Variants in NBEA observed in about 807,000 individuals in gnomAD.
The protein encoded by NBEA is neurobeachin, also known as lysosomal-trafficking regulator 2.
Under a neutral mutation model 343.4 loss-of-function variants are expected in NBEA, and 44 were observed. That is an observed-to-expected ratio of 0.13 (90% CI 0.10 to 0.16). The LOEUF (loss-of-function observed/expected upper bound fraction) is 0.16, where lower values mean the gene tolerates loss of function less well. Ranked by LOEUF, NBEA falls within the 10% of genes least tolerant of loss-of-function variation. The pLI, the probability that NBEA is intolerant of heterozygous loss-of-function variation, is 1.00. For missense variants in NBEA, 2,555 were observed against 3,631.3 expected (o/e 0.70, Z 7.62); for synonymous variants, 1,175 against 1,238.7 (o/e 0.95, Z 1.08).
intron 47 of NBEA, among the ~76,000 whole-genome samples, chr13:35,594,947 T>TCACA (rs71196581): frequency 0.036 from 4,053 of 111,092 alleles, 108 homozygotes; most frequent in African/African-American, 0.083. Flanking sequence ...TTTGACATCA[T>TCACA]CACACACACA....
chr13:35,326,213 A>C (rs1052497065), intron 36 of NBEA, among the ~76,000 whole-genome samples: 10 of 152,206 alleles, frequency 6.6e-5, no homozygotes, highest in Admixed American at 6.5e-4. Flanking sequence ...TGATAGGAAT[A>C]GTGTTGAATC....
At chr13:35,108,106 T>C (rs539760940) in intron 11 of NBEA, among the ~76,000 whole-genome samples, 2 of 152,148 alleles carry the variant, frequency 1.3e-5, no homozygotes, top group East Asian at 3.9e-4. Context: ...GGTAAGACAA[T>C]TTCATCCCTT....
At chr13:35,084,870 A>G (rs1157971795) in intron 10 of NBEA, among the ~76,000 whole-genome samples, 1 of 152,148 alleles carries the variant, frequency 6.6e-6, no homozygotes, top group Non-Finnish European at 1.5e-5. Flanking sequence ...AGAAGAATCA[A>G]ATAGATGCAA....
intron 34 of NBEA, among the ~76,000 whole-genome samples, chr13:35,264,885 C>A (rs563899614): frequency 2.0e-5 from 3 of 151,392 alleles, no homozygotes; most frequent in East Asian, 3.9e-4. Flanking sequence ...AAGTCCTGGA[C>A]AGAACAGCCA....
At chr13:35,197,337 A>G (rs1297611277) in intron 31 of NBEA, among the ~76,000 whole-genome samples, 2 of 152,158 alleles carry the variant, frequency 1.3e-5, no homozygotes, top group Non-Finnish European at 2.9e-5. Flanking sequence ...TGTTTTAGAA[A>G]GACAAGATCA....
intron 38 of NBEA, among the ~76,000 whole-genome samples, chr13:35,404,325 T>C (rs1318873360): frequency 1.3e-5 from 2 of 151,802 alleles, no homozygotes. Flanking sequence ...GTGGCACTAT[T>C]CATAATAGCA....
chr13:35,058,919 G>A lies in NBEA; in HGVS notation c.1239+56G>A, dbSNP rs186543665. 1.6e-3 allele frequency: 2,157 copies of A among 1,366,434 alleles called. 4 individuals are homozygous for A. The highest frequency in any genetic ancestry group is 1.9e-3 in the Non-Finnish European group (1,951 of 1,017,988). The allele number at this position is 1,366,434 out of a possible 1,614,324, so 84.6% of individuals were successfully genotyped here. A position where few individuals can be genotyped will look rare whatever the true frequency, so the allele number is the denominator to read the frequency against. On this transcript the variant is annotated intron_variant, in intron 8 of 58. Coordinates refer to ENST00000379939, the MANE Select transcript of NBEA (RefSeq NM_001385012.1). ...TGGAGAGTTTTAGATGTAAAATGTGGTGTAATATCATTTTTAGTGAAAATC... is the reference window on the plus strand; with the variant it reads ...TGGAGAGTTTTAGATGTAAAATGTGATGTAATATCATTTTTAGTGAAAATC...
rs1177303147 is a variant in NBEA at position 35,124,858 on chromosome 13, C to A, written c.2336+1284C>A. ...TATATGGTATATGGAACTGTAAGTA[C>A]ACTTGGTGACAGAGTGCTGGGAGTG... On this transcript the variant is annotated intron_variant, in intron 17 of 58. Coordinates refer to ENST00000379939, the MANE Select transcript of NBEA (RefSeq NM_001385012.1). Among the ~76,000 whole-genome samples the A allele has an allele frequency of 7.3e-5, 11 of 151,672 alleles. No individual in the cohort carries two copies. In the South Asian group the frequency reaches 2.3e-3, roughly 32 times the overall value.
At chr13:35,084,676 G>A (rs1455418020) in intron 10 of NBEA, among the ~76,000 whole-genome samples, 1 of 152,050 alleles carries the variant, frequency 6.6e-6, no homozygotes, top group Non-Finnish European at 1.5e-5. Context: ...AAAAGAACTA[G>A]AGAAGCAAGA....
At chr13:35,560,146 A>G (rs911291516) in intron 44 of NBEA, among the ~76,000 whole-genome samples, 1 of 151,826 alleles carries the variant, frequency 6.6e-6, no homozygotes, top group Non-Finnish European at 1.5e-5. Context: ...GAGTAGCTAA[A>G]TAACTTGGCC....
At chr13:35,213,823 G>A (rs1320550997) in intron 33 of NBEA, among the ~76,000 whole-genome samples, 3 of 151,844 alleles carry the variant, frequency 2.0e-5, no homozygotes, top group East Asian at 3.9e-4. Context: ...ATTAGTTTAT[G>A]CATCCACATA....
intron 45 of NBEA, among the ~76,000 whole-genome samples, chr13:35,570,593 G>A (rs972878311): frequency 3.9e-5 from 6 of 152,074 alleles, no homozygotes; most frequent in Non-Finnish European, 7.4e-5. Context: ...TATATTCTAT[G>A]CTTTAGCAAT....
intron 1 of NBEA, among the ~76,000 whole-genome samples, chr13:34,966,292 T>C (rs547440059): frequency 2.5e-4 from 38 of 152,110 alleles, no homozygotes; most frequent in African/African-American, 8.9e-4. Context: ...TTTCAGTGTT[T>C]CTTATATTTC....
At chr13:35,004,896 G>A (rs2061265829) in intron 1 of NBEA, among the ~76,000 whole-genome samples, 1 of 152,140 alleles carries the variant, frequency 6.6e-6, no homozygotes, top group South Asian at 2.1e-4. Flanking sequence ...GCACATGATA[G>A]AATAAAAATA....
intron 1 of NBEA, among the ~76,000 whole-genome samples, chr13:34,986,979 G>A (rs2060572786): frequency 6.6e-6 from 1 of 150,902 alleles, no homozygotes; most frequent in South Asian, 2.1e-4. Flanking sequence ...GCCAGTCTGT[G>A]TCTTTTAACT....
chr13:35,233,731 G>C (rs2075091201), intron 34 of NBEA, among the ~76,000 whole-genome samples: 1 of 152,018 alleles, frequency 6.6e-6, no homozygotes, highest in African/African-American at 2.4e-5. Flanking sequence ...TCTTCAGATG[G>C]AGCATATATT....
chr13:35,387,386 T>C (rs961193339), intron 38 of NBEA, among the ~76,000 whole-genome samples: 5 of 152,270 alleles, frequency 3.3e-5, no homozygotes, highest in African/African-American at 2.4e-5. Flanking sequence ...TGATTTTTTT[T>C]CCCTTTTTTT....
At chr13:35,116,694 C>T (rs1182968314) in intron 13 of NBEA, among the ~76,000 whole-genome samples, 1 of 151,872 alleles carries the variant, frequency 6.6e-6, no homozygotes, top group African/African-American at 2.4e-5. Context: ...ACAAGAAAGG[C>T]TTAATGTTAC....
At chr13:35,587,182 GA>G (rs560104667) in intron 46 of NBEA, among the ~76,000 whole-genome samples, 233 of 151,236 alleles carry the variant, frequency 1.5e-3, no homozygotes, top group African/African-American at 5.2e-3. Flanking sequence ...TTAAAACCTA[GA>G]AAAAAAAAGT....
Sources: gnomAD v4.1 joint callset for allele counts (sites outside exome capture counted in the v4.1 genomes callset) on GRCh38, gnomAD v4.1.1 for gene constraint, MANE v1.5 for transcripts, NCBI Gene and HGNC (gene_info 2026-07-23, HGNC 2026-07-21) for gene names.